The following EYS variants were observed in gnomAD, a reference collection of about 807,000 sequenced individuals.
The protein encoded by EYS is EGF-like photoreceptor maintenance factor.
A neutral mutation model predicts 282.1 loss-of-function variants in EYS; 250 were observed. The observed-to-expected ratio is 0.89, with a 90% confidence interval of 0.80 to 0.98. The LOEUF is 0.98. EYS is among the 50% of genes least tolerant of loss of function. The pLI is 0.00. For missense variants in EYS, 4,016 were observed against 3,709.0 expected (o/e 1.08, Z -2.15); for synonymous variants, 1,355 against 1,282.9 (o/e 1.06, Z -1.20).
intron 12 of EYS, among the ~76,000 whole-genome samples, chr6:65,281,166 T>C (rs186749055): frequency 2.6e-3 from 395 of 151,702 alleles, no homozygotes; most frequent in Non-Finnish European, 4.2e-3. Flanking sequence ...TGGAATATTA[T>C]CTATACCACC....
intron 34 of EYS, among the ~76,000 whole-genome samples, chr6:63,985,287 A>G (rs1767303567): frequency 6.6e-6 from 1 of 151,668 alleles, no homozygotes; most frequent in Non-Finnish European, 1.5e-5. Context: ...GGAACATCAA[A>G]TATTGCCAAC....
At chr6:64,623,663 A>C (rs1246368561) in intron 23 of EYS, among the ~76,000 whole-genome samples, 1 of 152,122 alleles carries the variant, frequency 6.6e-6, no homozygotes, top group Non-Finnish European at 1.5e-5. Context: ...ATAGAGAAAA[A>C]TTAGTATTCT....
intron 38 of EYS, 126 bp downstream of exon 38, chr6:63,788,932 G>T: frequency 3.5e-6 from 3 of 859,194 alleles, no homozygotes; most frequent in Non-Finnish European, 5.3e-6. Flanking sequence ...TCCCCTAGTT[G>T]GTACAATAGT....
chr6:64,023,697 C>T (rs1769312763), intron 33 of EYS, among the ~76,000 whole-genome samples: 1 of 152,266 alleles, frequency 6.6e-6, no homozygotes, highest in Admixed American at 6.5e-5. Context: ...GGCCTTCAGC[C>T]TGCCGCTGCA....
At chr6:65,329,857 G>A in intron 11 of EYS, 4 of 981,888 alleles carry the variant, frequency 4.1e-6, no homozygotes, top group Non-Finnish European at 3.6e-6. Context: ...TACAGAAATA[G>A]TTTTTGAAAC....
chr6:64,821,835 C>T (rs907062841), intron 20 of EYS, 112 bp from the exon 21 acceptor site: 31 of 576,426 alleles, frequency 5.4e-5, no homozygotes, highest in Non-Finnish European at 7.0e-5. Context: ...AAAAAGCACT[C>T]CCATGAGCAA....
chr6:63,789,316 T>C, intron 37 of EYS, 92 bp from the exon 38 acceptor site: 1 of 1,248,858 alleles, frequency 8.0e-7, no homozygotes, highest in Non-Finnish European at 1.1e-6. Context: ...GAATTACAGA[T>C]CAGTATGGTA....
At chr6:65,289,344 T>C (rs1768457624) in intron 12 of EYS, among the ~76,000 whole-genome samples, 1 of 150,990 alleles carries the variant, frequency 6.6e-6, no homozygotes, top group African/African-American at 2.4e-5. Context: ...TACATTTATG[T>C]TTATTATAAA....
chr6:64,480,554 G>C (rs1776408981), intron 26 of EYS, among the ~76,000 whole-genome samples: 1 of 151,732 alleles, frequency 6.6e-6, no homozygotes, highest in Non-Finnish European at 1.5e-5. Context: ...GCAGCCTAAG[G>C]GGTGACAAAA....
At chr6:65,555,367 A>G (rs376222237) in intron 2 of EYS, among the ~76,000 whole-genome samples, 5 of 152,004 alleles carry the variant, frequency 3.3e-5, no homozygotes, top group Admixed American at 6.6e-5. Flanking sequence ...CTAGAGTTTT[A>G]TTTCTTCTCT....
intron 35 of EYS, among the ~76,000 whole-genome samples, chr6:63,973,502 C>T (rs955974081): frequency 2.0e-5 from 3 of 152,074 alleles, no homozygotes; most frequent in African/African-American, 7.2e-5. Context: ...AGAATTTATC[C>T]TGTCTTTATT....
chr6:65,103,576 T>A (rs1389280008), intron 12 of EYS, among the ~76,000 whole-genome samples: 1 of 151,512 alleles, frequency 6.6e-6, no homozygotes, highest in Non-Finnish European at 1.5e-5. Context: ...GTAAGTGACA[T>A]ATCAATTTAA....
intron 13 of EYS, among the ~76,000 whole-genome samples, chr6:65,018,110 A>G (rs1772114009): frequency 6.6e-6 from 1 of 152,160 alleles, no homozygotes; most frequent in Admixed American, 6.6e-5. Context: ...TTTTTCTGTG[A>G]TCGATAAAAA....
intron 29 of EYS, among the ~76,000 whole-genome samples, chr6:64,384,239 GTCCCTATT>G (rs1251795152): frequency 5.3e-5 from 8 of 152,030 alleles, no homozygotes; most frequent in African/African-American, 1.9e-4. Flanking sequence ...CTTTACCAGT[GTCCCTATT>G]TCCAAATGGA....
intron 26 of EYS, among the ~76,000 whole-genome samples, chr6:64,495,511 A>G (rs556699051): frequency 1.3e-5 from 2 of 151,968 alleles, no homozygotes; most frequent in South Asian, 4.1e-4. Context: ...TAACTCTTAA[A>G]TGAGTGAGAC....
intron 2 of EYS, among the ~76,000 whole-genome samples, chr6:65,514,466 G>C (rs988040196): frequency 6.6e-6 from 1 of 152,138 alleles, no homozygotes; most frequent in African/African-American, 2.4e-5. Flanking sequence ...AACCAAAAAA[G>C]AGCTTGCATT....
chr6:65,064,714 A>C (rs1325643602), intron 12 of EYS, among the ~76,000 whole-genome samples: 1 of 151,946 alleles, frequency 6.6e-6, no homozygotes, highest in African/African-American at 2.4e-5. Context: ...TGGTTCAAAC[A>C]CTCACAGACC....
intron 40 of EYS, among the ~76,000 whole-genome samples, chr6:63,765,371 A>T (rs1438830439): frequency 2.0e-5 from 3 of 150,446 alleles, no homozygotes; most frequent in African/African-American, 7.4e-5. Context: ...ATTTTAGTGA[A>T]TTACTTAGGG....
At chr6:64,780,537 G>A (rs972879260) in intron 22 of EYS, among the ~76,000 whole-genome samples, 16 of 152,078 alleles carry the variant, frequency 1.1e-4, no homozygotes, top group Non-Finnish European at 2.4e-4. Flanking sequence ...GAAGGACGGG[G>A]TTGAGGGTTG....
Sources: gnomAD v4.1 joint callset for allele counts (sites outside exome capture counted in the v4.1 genomes callset) on GRCh38, gnomAD v4.1.1 for gene constraint, MANE v1.5 for transcripts, NCBI Gene and HGNC (gene_info 2026-07-23, HGNC 2026-07-21) for gene names.